Variants in ZNF521 observed in about 807,000 individuals in gnomAD.
ZNF521 encodes the protein zinc finger protein 521, also known as LYST-interacting protein 3.
A neutral mutation model predicts 105.5 loss-of-function variants in ZNF521; 14 were observed. The ratio of observed to expected loss-of-function variants is 0.13; its 90% CI spans 0.09 to 0.21. The LOEUF (loss-of-function observed/expected upper bound fraction) is 0.21, where lower values mean the gene tolerates loss of function less well. ZNF521 is among the 10% of genes least tolerant of loss of function. The probability of loss-of-function intolerance (pLI) is 1.00; values close to 1 mark genes in which losing one functional copy is unlikely to be tolerated. For missense variants in ZNF521, 1,233 were observed against 1,629.7 expected (o/e 0.76, Z 4.19); for synonymous variants, 635 against 606.0 (o/e 1.05, Z -0.70).
At chr18:25,184,786 C>T (rs8097916) in intron 5 of ZNF521, among the ~76,000 whole-genome samples, 2,932 of 152,232 alleles carry the variant, frequency 0.019, 104 homozygotes, top group African/African-American at 0.067. Flanking sequence ...ACAACAGCTG[C>T]ACTAACAATT....
rs535880385 is a variant in ZNF521 at position 25,115,680 on chromosome 18, G to C, written c.3659-23599C>G. On this transcript the variant is annotated intron_variant, in intron 5 of 7. Coordinates refer to ENST00000361524, the MANE Select transcript of ZNF521 (RefSeq NM_015461.3). ...TTCCTGTGAAGCAGTTGTGTTCTGT[G>C]TATTACAGTCTCCATTACATACTTA... 3.3e-5 allele frequency among the ~76,000 whole-genome samples: 5 copies of C among 152,298 alleles called. No homozygotes were observed. The East Asian group carries it at 9.6e-4, about 29-fold the overall frequency.
At chr18:25,288,079 G>A (rs1014125248) in intron 3 of ZNF521, among the ~76,000 whole-genome samples, 1 of 151,082 alleles carries the variant, frequency 6.6e-6, no homozygotes, top group African/African-American at 2.4e-5. Flanking sequence ...AAACCTGATA[G>A]GTGACAGGGA....
intron 2 of ZNF521, among the ~76,000 whole-genome samples, chr18:25,328,281 A>C (rs1427839938): frequency 3.9e-5 from 6 of 152,128 alleles, no homozygotes; most frequent in Non-Finnish European, 5.9e-5. Flanking sequence ...CCAAAGAGAA[A>C]TATCACAGAT....
At chr18:25,329,475 A>AGTTG (rs1311766813) in intron 2 of ZNF521, among the ~76,000 whole-genome samples, 1 of 152,202 alleles carries the variant, frequency 6.6e-6, no homozygotes, top group African/African-American at 2.4e-5. Flanking sequence ...TACATTTTGA[A>AGTTG]GGCCACATAA....
intron 5 of ZNF521, among the ~76,000 whole-genome samples, chr18:25,094,243 C>A (rs569156503): frequency 1.3e-5 from 2 of 152,162 alleles, no homozygotes; most frequent in East Asian, 3.9e-4. Context: ...GTAATATTAT[C>A]TTTCTTGACT....
rs1907172331 is a variant in ZNF521, at chr18:25,239,684, T to C, written c.221-11987A>G. Among the ~76,000 whole-genome samples the C allele has an allele frequency of 2.6e-5, 4 of 152,202 alleles. No homozygotes were observed. In the South Asian group the frequency reaches 8.3e-4, roughly 32 times the overall value. The stretch of plus-strand genomic sequence containing the variant: ...ACCTCTCTAGAAATTCTTTGTTCTT[T>C]GAACAGGCTACAGTCTCTTGCAACT... On this transcript the variant is annotated intron_variant, in intron 3 of 7. Transcript: ENST00000361524.
intron 3 of ZNF521, among the ~76,000 whole-genome samples, chr18:25,289,434 A>C (rs149299551): frequency 6.6e-6 from 1 of 152,162 alleles, no homozygotes; most frequent in African/African-American, 2.4e-5. Context: ...AAGAGGCATC[A>C]ATGAGGAAGG....
chr18:25,182,779 TAG>T (rs2144595985), intron 5 of ZNF521, among the ~76,000 whole-genome samples: 1 of 152,274 alleles, frequency 6.6e-6, no homozygotes, highest in East Asian at 1.9e-4. Context: ...GGATGAAAAT[TAG>T]AGTCTAGCAA....
chr18:25,103,417 ACTT>A (rs2034006329), intron 5 of ZNF521, among the ~76,000 whole-genome samples: 1 of 152,164 alleles, frequency 6.6e-6, no homozygotes, highest in African/African-American at 2.4e-5. Context: ...AGCTAACTGT[ACTT>A]CTTCAAGTAC....
chr18:25,349,797 G>A (rs1914638617), intron 2 of ZNF521, among the ~76,000 whole-genome samples: 2 of 150,170 alleles, frequency 1.3e-5, no homozygotes, highest in African/African-American at 4.9e-5. Flanking sequence ...GGCCCGGGCG[G>A]GCGCACCAGC....
At chr18:25,229,537 CA>C (rs36120208) in intron 3 of ZNF521, among the ~76,000 whole-genome samples, 55,040 of 148,122 alleles carry the variant, frequency 0.37, 10,639 homozygotes, top group African/African-American at 0.51. Flanking sequence ...ACTCAACATA[CA>C]AAAAAAAAAA....
intron 2 of ZNF521, among the ~76,000 whole-genome samples, chr18:25,350,205 G>T (rs2145239186): frequency 6.6e-6 from 1 of 152,292 alleles, no homozygotes; most frequent in East Asian, 1.9e-4. Context: ...ACGGAGAGCT[G>T]GACCCCACCG....
intron 3 of ZNF521, among the ~76,000 whole-genome samples, chr18:25,293,387 A>ACACAC (rs1568060802): frequency 8.3e-6 from 1 of 120,268 alleles, no homozygotes; most frequent in African/African-American, 3.7e-5. Context: ...CACACACACA[A>ACACAC]ATTCCTTAAT....
At chr18:25,311,857 T>C (rs545480610) in intron 3 of ZNF521, among the ~76,000 whole-genome samples, 2 of 152,090 alleles carry the variant, frequency 1.3e-5, no homozygotes, top group East Asian at 3.9e-4. Flanking sequence ...CTAATTTTCT[T>C]CTTGAATTCT....
intron 4 of ZNF521, among the ~76,000 whole-genome samples, chr18:25,207,432 G>A (rs915499216): frequency 4.6e-5 from 7 of 152,148 alleles, no homozygotes; most frequent in South Asian, 2.1e-4. Flanking sequence ...CTCCAGCACC[G>A]CCTCTCCATC....
intron 3 of ZNF521, among the ~76,000 whole-genome samples, chr18:25,312,826 A>G (rs980775631): frequency 1.1e-4 from 4 of 36,492 alleles, no homozygotes; most frequent in African/African-American, 4.1e-4. Flanking sequence ...TCAAAAAAAA[A>G]AAAAAAAAAA....
At chr18:25,276,464 A>G (rs1416001432) in intron 3 of ZNF521, among the ~76,000 whole-genome samples, 4 of 152,186 alleles carry the variant, frequency 2.6e-5, no homozygotes, top group East Asian at 1.9e-4. Context: ...CAACAGCAAC[A>G]AACACTCTCA....
intron 5 of ZNF521, among the ~76,000 whole-genome samples, chr18:25,121,111 A>ATTTTTTTTT (rs5823467): frequency 1.7e-5 from 2 of 118,678 alleles, no homozygotes; most frequent in African/African-American, 3.2e-5. Context: ...AAGAAGGAGT[A>ATTTTTTTTT]TTTTTTTTTT....
Position 25,227,089 on chromosome 18 carries a change from C to A in ZNF521, c.829G>T (p.Asp277Tyr). 1 of 1,614,122 alleles carries A rather than the reference C, an allele frequency of 6.2e-7. No individual in the cohort carries two copies. The highest frequency in any genetic ancestry group is 8.5e-7 in the Non-Finnish European group (1 of 1,180,002). ...TAGACACACTGGAGGGCCGCTCGGT[C>A]CTCATTTGGGGAGCATTCGGGGTGG... is the stretch of plus-strand genomic sequence containing the variant. Reference protein sequence around the residue: ...ECHPECSPNEDRAALQCVYCH... With the variant: ...ECHPECSPNEYRAALQCVYCH... Residue 277 changes from aspartate to tyrosine, a missense_variant, in exon 4 of 8, where the codon GAC (aspartate) becomes TAC (tyrosine). Physicochemically the swap from Asp to Tyr is radical, Grantham distance 160. Coordinates refer to ENST00000361524, the MANE Select transcript of ZNF521 (RefSeq NM_015461.3). This position sits in a 1 kb window ranked among gnomAD's most constrained non-coding sequence, Gnocchi z 5.7.
Sources: gnomAD v4.1 joint callset for allele counts (sites outside exome capture counted in the v4.1 genomes callset) on GRCh38, gnomAD v4.1.1 for gene constraint, Gnocchi (gnomAD v3.1) non-coding constraint, MANE v1.5 for transcripts, NCBI Gene and HGNC (gene_info 2026-07-23, HGNC 2026-07-21) for gene names.